The following SCAMP4 variants were observed in gnomAD, a reference collection of about 807,000 sequenced individuals.
SCAMP4 encodes the protein secretory carrier-associated membrane protein 4.
Under a neutral mutation model 32.1 loss-of-function variants are expected in SCAMP4, and 19 were observed. That is an observed-to-expected ratio of 0.59 (90% confidence interval 0.41 to 0.87). The LOEUF (loss-of-function observed/expected upper bound fraction) is 0.87, where lower values mean the gene tolerates loss of function less well. Ranked by LOEUF, SCAMP4 falls within the 40% of genes least tolerant of loss-of-function variation. The pLI is 0.00. For synonymous variants in SCAMP4, 152 were observed against 132.7 expected, an observed-to-expected ratio of 1.15 and a Z score of -1.00; for missense variants, 302 against 309.0, an observed-to-expected ratio of 0.98 and a Z score of 0.17.
chr19:1,923,884 CGAAGT>C (rs2014005351), intron 6 of SCAMP4, among the ~76,000 whole-genome samples: 1 of 115,422 alleles, frequency 8.7e-6, no homozygotes, highest in African/African-American at 2.6e-5. Flanking sequence ...CTCGGCCTCC[CGAAGT>C]GCTGGGATGA....
At chr19:1,918,041 C>T (rs2013791296) in intron 3 of SCAMP4, 86 bp from the exon 4 acceptor site, 2 of 1,504,648 alleles carry the variant, frequency 1.3e-6, no homozygotes, top group South Asian at 1.3e-5. Flanking sequence ...GGGAGGCGGA[C>T]AGCGGGTGCC....
intron 5 of SCAMP4, 175 bp downstream of exon 5, chr19:1,919,165 C>G: frequency 1.4e-6 from 2 of 1,434,370 alleles, no homozygotes; most frequent in South Asian, 2.9e-5. Flanking sequence ...GCGCCCGCGT[C>G]CTCGCCAGCA....
Position 1,914,909 on chromosome 19 carries a change from G to A in SCAMP4, c.-41-70G>A, listed in dbSNP as rs572530408. The A allele has an allele frequency of 6.0e-5, 78 of 1,309,506 alleles. 1 individual carries two copies. The highest frequency in any genetic ancestry group is 3.8e-4 in the South Asian group (32 of 84,558). 81.1% of individuals were successfully genotyped at this position (1,309,506 alleles called of 1,614,324 possible). A position where few individuals can be genotyped will look rare whatever the true frequency, so the allele number is the denominator to read the frequency against. ...GCACGATGAAGGGCTTTTCAGCCACGGTGGGTGGGTGGTTAGCGCTCTGCC... is the reference window on the plus strand; with the variant it reads ...GCACGATGAAGGGCTTTTCAGCCACAGTGGGTGGGTGGTTAGCGCTCTGCC... On this transcript the variant is annotated intron_variant, in intron 1 of 6. Transcript: ENST00000316097.
intron 1 of SCAMP4, among the ~76,000 whole-genome samples, chr19:1,911,316 T>C (rs2145433546): frequency 6.6e-6 from 1 of 151,968 alleles, no homozygotes; most frequent in South Asian, 2.1e-4. Context: ...AAACCACCGG[T>C]GTGTGCCACC....
chr19:1,913,228 C>G, intron 1 of SCAMP4: 1 of 1,453,548 alleles, frequency 6.9e-7, no homozygotes, highest in Non-Finnish European at 9.1e-7. Context: ...GCCTCGATTT[C>G]TTCCGCACAA....
intron 2 of SCAMP4, among the ~76,000 whole-genome samples, chr19:1,916,275 G>A (rs184964604): frequency 6.6e-6 from 1 of 151,934 alleles, no homozygotes; most frequent in African/African-American, 2.4e-5. Context: ...AGGAGGAGTC[G>A]TCGTGGAGAT....
At position 1,923,884 on chromosome 19, in the gene SCAMP4, C is replaced by T. The variant is rs901285851; in HGVS notation, c.514-224C>T. ...TCGTGATCCTCCCGCCTCGGCCTCC[C>T]GAAGTGCTGGGATGACAGGCGTGAG... On this transcript the variant is annotated intron_variant, in intron 6 of 6. Transcript: ENST00000316097. Among the ~76,000 whole-genome samples the T allele has an allele frequency of 2.2e-4, 25 of 115,418 alleles. 2 individuals are homozygous for T. Among genetic ancestry groups the T allele is most frequent in the African/African-American group, 5.9e-4 (23 of 38,936 alleles). 75.7% of individuals were successfully genotyped at this position (115,418 alleles called of 152,430 possible).
chr19:1,909,350 C>T (rs2013312678), intron 1 of SCAMP4, among the ~76,000 whole-genome samples: 1 of 152,216 alleles, frequency 6.6e-6, no homozygotes. Context: ...GTGCTGTCTG[C>T]CCGCCTAGGG....
chr19:1,913,793 C>T (rs1158069550), intron 1 of SCAMP4, among the ~76,000 whole-genome samples: 1 of 152,224 alleles, frequency 6.6e-6, no homozygotes, highest in Non-Finnish European at 1.5e-5. Context: ...GGACTAGAGC[C>T]GTTTTTGCAG....
At chr19:1,912,965 C>G in intron 1 of SCAMP4, 2 of 1,610,194 alleles carry the variant, frequency 1.2e-6, no homozygotes, top group Non-Finnish European at 8.5e-7. Flanking sequence ...CCCGCGAGCC[C>G]TGCGCCATGT....
chr19:1,920,515 T>G (rs1366311900), intron 5 of SCAMP4: 1 of 842,300 alleles, frequency 1.2e-6, no homozygotes, highest in Non-Finnish European at 1.4e-6. Flanking sequence ...GATGTGCCGC[T>G]GAAGCTGGTC....
In SCAMP4 at chr19:1,924,040, G is replaced by A. The variant is rs561003505; in HGVS notation, c.514-68G>A. 76 of 1,382,822 alleles carry A rather than the reference G, an allele frequency of 5.5e-5. 4 individuals carry two copies. Among genetic ancestry groups the A allele is most frequent in the South Asian group, 3.5e-4 (27 of 76,630 alleles). The allele number at this position is 1,382,822 out of a possible 1,614,324, so 85.7% of individuals were successfully genotyped here. A position where few individuals can be genotyped will look rare whatever the true frequency, so the allele number is the denominator to read the frequency against. On this transcript the variant is annotated intron_variant, in intron 6 of 6. Coordinates refer to ENST00000316097, the MANE Select transcript of SCAMP4 (RefSeq NM_079834.4). ...CTCCCGAAGTGCTGGGATGACAGGC[G>A]TGAGTCCCCGTGCCCGGCCGCCATG...
intron 1 of SCAMP4, chr19:1,912,281 G>T: frequency 1.3e-6 from 2 of 1,585,870 alleles, no homozygotes; most frequent in Non-Finnish European, 1.7e-6. Context: ...TCCTGAAGGA[G>T]GTGTCGGCCC....
intron 5 of SCAMP4, chr19:1,921,793 A>G (rs2013928354): frequency 1.8e-5 from 18 of 984,930 alleles, no homozygotes; most frequent in Non-Finnish European, 2.2e-5. Context: ...TGGCCTGGGC[A>G]ACATAGGGAG....
chr19:1,921,682 T>TA, intron 5 of SCAMP4: 3 of 985,290 alleles, frequency 3.0e-6, no homozygotes, highest in Non-Finnish European at 3.6e-6. Flanking sequence ...TTTACTTTTT[T>TA]AAAAAATAAA....
Position 1,924,099 on chromosome 19 carries a change from T to C in SCAMP4, c.514-9T>C, listed in dbSNP as rs372174115. 16 of 1,603,826 alleles carry C rather than the reference T, an allele frequency of 1.0e-5. No individual in the cohort carries two copies. The highest frequency in any genetic ancestry group is 1.4e-5 in the Non-Finnish European group (16 of 1,175,344). Reference sequence around the variant, plus strand: ...CTGTCTTCTGCCTCCCTGTCCTCTGTCCTTGCAGGTGCACAGGATCTACCG... The same window carrying C: ...CTGTCTTCTGCCTCCCTGTCCTCTGCCCTTGCAGGTGCACAGGATCTACCG... On this transcript the variant is annotated splice_polypyrimidine_tract_variant and intron_variant, in intron 6 of 6. Coordinates refer to ENST00000316097, the MANE Select transcript of SCAMP4 (RefSeq NM_079834.4).
intron 6 of SCAMP4, among the ~76,000 whole-genome samples, chr19:1,923,492 C>T (rs1033259783): frequency 6.6e-6 from 1 of 152,154 alleles, no homozygotes; most frequent in Non-Finnish European, 1.5e-5. Context: ...ACAGCTGAGG[C>T]CCTGGAGCTG....
At chr19:1,909,634 G>A (rs2013330963) in intron 1 of SCAMP4, among the ~76,000 whole-genome samples, 2 of 152,046 alleles carry the variant, frequency 1.3e-5, no homozygotes, top group Non-Finnish European at 1.5e-5. Flanking sequence ...TAACAGTGCT[G>A]GTGATGTCAG....
intron 1 of SCAMP4, among the ~76,000 whole-genome samples, chr19:1,910,353 G>A (rs530518554): frequency 5.3e-5 from 8 of 152,294 alleles, no homozygotes; most frequent in East Asian, 3.9e-4. Context: ...GAAGCCAGGC[G>A]CCGCCTGTCC....
Sources: gnomAD v4.1 joint callset for allele counts (sites outside exome capture counted in the v4.1 genomes callset) on GRCh38, gnomAD v4.1.1 for gene constraint, MANE v1.5 for transcripts, NCBI Gene and HGNC (gene_info 2026-07-23, HGNC 2026-07-21) for gene names.